Variants in YAE1 observed in about 807,000 individuals in gnomAD.
YAE1 encodes the protein protein YAE1 homolog.
In YAE1, 22 loss-of-function variants were observed where a neutral mutation model predicts 23.0. That is an observed-to-expected ratio of 0.96 (90% CI 0.68 to 1.37). YAE1 has a LOEUF of 1.37. Among genes scored for constraint, YAE1 ranks in the 40% most tolerant of loss-of-function variants. The pLI, the probability that YAE1 is intolerant of heterozygous loss-of-function variation, is 0.00. For missense variants in YAE1, 260 were observed against 262.1 expected (o/e 0.99, Z 0.06); for synonymous variants, 101 against 97.0 (o/e 1.04, Z -0.24).
intron 2 of YAE1, among the ~76,000 whole-genome samples, chr7:39,608,796 G>T (rs1375884934): frequency 6.6e-6 from 1 of 152,168 alleles, no homozygotes. Flanking sequence ...AAAGCATTCA[G>T]ATATGGAGTG....
intron 1 of YAE1, chr7:39,569,816 A>G: frequency 1.3e-6 from 1 of 790,102 alleles, no homozygotes; most frequent in East Asian, 2.5e-5. Context: ...ACTCTTTATC[A>G]CTTATAAAGT....
chr7:39,592,669 G>A (rs1203251850), intron 2 of YAE1, among the ~76,000 whole-genome samples: 1 of 151,194 alleles, frequency 6.6e-6, no homozygotes, highest in Non-Finnish European at 1.5e-5. Flanking sequence ...TCCTTTTAGT[G>A]CTTTAAACAT....
Position 39,598,213 on chromosome 7 carries a change from G to T in YAE1, c.252-11404G>T, listed in dbSNP as rs186438793. Among the ~76,000 whole-genome samples, 574 of 152,000 alleles carry T rather than the reference G, an allele frequency of 3.8e-3. 3 individuals carry two copies. The highest frequency in any genetic ancestry group is 0.013 in the African/African-American group (524 of 41,466). On this transcript the variant is annotated intron_variant, in intron 2 of 2. Transcript: ENST00000432096. ...CAACTTCCGCCTCCCAGGTTCAAGC[G>T]ATTCTCCTGCCTCAGCCTCCAGAGT...
chr7:39,601,189 T>G (rs1289265165), intron 2 of YAE1, among the ~76,000 whole-genome samples: 2 of 152,220 alleles, frequency 1.3e-5, no homozygotes, highest in African/African-American at 2.4e-5. Flanking sequence ...GTAAGGTTTT[T>G]GGGGACCAGC....
intron 2 of YAE1, among the ~76,000 whole-genome samples, chr7:39,586,661 C>A (rs1022549172): frequency 5.9e-5 from 9 of 151,464 alleles, no homozygotes; most frequent in Non-Finnish European, 1.3e-4. Context: ...CCATGCCCAG[C>A]TATTTTTTTG....
chr7:39,583,087 A>G (rs1267783128), intron 2 of YAE1, among the ~76,000 whole-genome samples: 3 of 152,244 alleles, frequency 2.0e-5, no homozygotes, highest in African/African-American at 7.2e-5. Flanking sequence ...AAAAATTAGA[A>G]TAACCCAAAT....
At chr7:39,592,128 A>T (rs1248342673) in intron 2 of YAE1, among the ~76,000 whole-genome samples, 17 of 152,244 alleles carry the variant, frequency 1.1e-4, no homozygotes, top group Non-Finnish European at 1.5e-5. Context: ...ATTATGAGTA[A>T]AGCTGCAATA....
intron 2 of YAE1, among the ~76,000 whole-genome samples, chr7:39,595,764 A>G (rs1790963963): frequency 6.6e-6 from 1 of 152,208 alleles, no homozygotes; most frequent in Non-Finnish European, 1.5e-5. Flanking sequence ...CTGTGGTGGC[A>G]TACAACATGG....
At chr7:39,587,385 A>AG (rs1790835747) in intron 2 of YAE1, among the ~76,000 whole-genome samples, 1 of 152,156 alleles carries the variant, frequency 6.6e-6, no homozygotes, top group Non-Finnish European at 1.5e-5. Flanking sequence ...CAAAAAAAAA[A>AG]GAAAAAGAAA....
At chr7:39,586,112 A>C (rs1379293439) in intron 2 of YAE1, among the ~76,000 whole-genome samples, 1 of 151,754 alleles carries the variant, frequency 6.6e-6, no homozygotes, top group East Asian at 1.9e-4. Context: ...AGAAATATAT[A>C]TATCCTAGGT....
intron 2 of YAE1, among the ~76,000 whole-genome samples, chr7:39,607,699 C>T (rs1407414918): frequency 6.6e-6 from 1 of 152,196 alleles, no homozygotes; most frequent in Non-Finnish European, 1.5e-5. Context: ...GATGTAGTCT[C>T]GCCCTGTTTC....
At chr7:39,588,140 A>G (rs931112931) in intron 2 of YAE1, among the ~76,000 whole-genome samples, 3 of 152,202 alleles carry the variant, frequency 2.0e-5, no homozygotes, top group Non-Finnish European at 2.9e-5. Flanking sequence ...TCTGTGGACT[A>G]TTTAGTTCTG....
chr7:39,579,135 T>C, intron 2 of YAE1, among the ~76,000 whole-genome samples: 1 of 152,240 alleles, frequency 6.6e-6, no homozygotes, highest in South Asian at 2.1e-4. Context: ...CACTATATTC[T>C]AAAAGCTTTA....
chr7:39,611,298 G>T (rs1791212192), downstream of YAE1, among the ~76,000 whole-genome samples: 1 of 152,186 alleles, frequency 6.6e-6, no homozygotes, highest in African/African-American at 2.4e-5. Flanking sequence ...AGCTGTGTTA[G>T]AAAAATATTT....
intron 2 of YAE1, among the ~76,000 whole-genome samples, chr7:39,594,835 A>G (rs1447394124): frequency 1.3e-5 from 2 of 152,100 alleles, no homozygotes; most frequent in African/African-American, 4.8e-5. Context: ...AGCTCAAGCA[A>G]TCCACCTGCC....
intron 2 of YAE1, chr7:39,609,475 T>G: frequency 9.0e-7 from 1 of 1,109,000 alleles, no homozygotes; most frequent in Non-Finnish European, 1.3e-6. Context: ...ATGGGGAAAG[T>G]TGGGGGGTTG....
chr7:39,592,658 A>T (rs1462654815), intron 2 of YAE1, among the ~76,000 whole-genome samples: 1 of 152,202 alleles, frequency 6.6e-6, no homozygotes, highest in Non-Finnish European at 1.5e-5. Flanking sequence ...TCTAAGTTTT[A>T]TCCTTTTAGT....
downstream of YAE1, among the ~76,000 whole-genome samples, chr7:39,574,912 A>G (rs999671274): frequency 1.3e-5 from 2 of 152,132 alleles, no homozygotes; most frequent in African/African-American, 4.8e-5. Context: ...CTCTAAAAAC[A>G]TGAAATACAG....
At chr7:39,597,658 G>A (rs563186433) in intron 2 of YAE1, among the ~76,000 whole-genome samples, 116 of 152,282 alleles carry the variant, frequency 7.6e-4, no homozygotes, top group African/African-American at 2.7e-3. Context: ...TAGCAGCAGG[G>A]CCGAGAAGCT....
Sources: allele counts gnomAD v4.1 joint callset (sites outside exome capture counted in the v4.1 genomes callset), GRCh38; gene constraint gnomAD v4.1.1; transcripts MANE v1.5; gene names NCBI Gene and HGNC (gene_info 2026-07-23, HGNC 2026-07-21).